The following NALCN variants were observed in gnomAD, a reference collection of about 807,000 sequenced individuals.
NALCN encodes sodium leak channel, non-selective.
In NALCN, 111 loss-of-function variants were observed where a neutral mutation model predicts 225.3. The observed-to-expected ratio is 0.49, with a 90% CI of 0.42 to 0.58. The LOEUF (loss-of-function observed/expected upper bound fraction) is 0.58, where lower values mean the gene tolerates loss of function less well. NALCN is among the 20% of genes least tolerant of loss of function. The pLI is 0.00. For synonymous variants in NALCN, 764 were observed against 769.0 expected (o/e 0.99, Z 0.11); for missense variants, 1,378 against 2,202.4 (o/e 0.63, Z 7.49).
chr13:101,081,643 T>C lies in NALCN; in HGVS notation c.3769A>G (p.Thr1257Ala). The part of the protein sequence containing the change: ...VFTFIFVLEV[T>A]MKIIAMSPAG... ...GGCGACATTGCTATGATCTTCATGGTAACCTGGAGAAAAAGCAAAGAAGAA... is the reference window on the plus strand; with the variant it reads ...GGCGACATTGCTATGATCTTCATGGCAACCTGGAGAAAAAGCAAAGAAGAA... The change falls in exon 34 of 44, where the codon ACC becomes GCC. Residue 1257 changes from threonine (T) to alanine (A), a missense_variant. Transcript: ENST00000251127. 1 of 1,613,886 alleles carries C rather than the reference T, an allele frequency of 6.2e-7. No individual in the cohort carries two copies. Among genetic ancestry groups the C allele is most frequent in the Non-Finnish European group, 8.5e-7 (1 of 1,179,930 alleles).
chr13:101,088,742 A>AGAAT lies in NALCN; in HGVS notation c.3489+917_3489+920dup, dbSNP rs1256426984. Among the ~76,000 whole-genome samples the AGAAT allele has an allele frequency of 2.0e-4, 31 of 152,318 alleles. 1 individual carries two copies. The South Asian group carries it at 2.7e-3, about 13-fold the overall frequency. On this transcript the variant is annotated intron_variant, in intron 30 of 43. Coordinates refer to ENST00000251127, the MANE Select transcript of NALCN (RefSeq NM_052867.4). ...AAGCCCCTCTCCAAGGAGTGCTAAT[A>AGAAT]GAATGTTCTTCCCCAAACTCACACT...
At chr13:101,399,902 C>G (rs1373067843) in intron 1 of NALCN, among the ~76,000 whole-genome samples, 1 of 152,152 alleles carries the variant, frequency 6.6e-6, no homozygotes, top group East Asian at 1.9e-4. Flanking sequence ...TCAGCAGTCA[C>G]TTGAAGGGGG....
intron 13 of NALCN, among the ~76,000 whole-genome samples, chr13:101,196,886 T>C (rs1216463691): frequency 1.3e-5 from 2 of 152,164 alleles, no homozygotes; most frequent in African/African-American, 4.8e-5. Flanking sequence ...GGACAACTCC[T>C]GGGGCTTTCG....
chr13:101,156,397 C>A (rs1043400194), intron 15 of NALCN, among the ~76,000 whole-genome samples: 2 of 152,092 alleles, frequency 1.3e-5, no homozygotes, highest in Non-Finnish European at 2.9e-5. Flanking sequence ...CTTCTAGGCT[C>A]CCTCAGCAGA....
Position 101,292,206 on chromosome 13 carries a change from T to A in NALCN, c.942+18A>T. On this transcript the variant is annotated intron_variant, in intron 8 of 43. Coordinates refer to ENST00000251127, the MANE Select transcript of NALCN (RefSeq NM_052867.4). The surrounding 1 kb of genome is among the most constrained non-coding windows in gnomAD (Gnocchi z 4.3). ...TATCACAGAACATAGACTTTCTTAG[T>A]ACAATTCTTCGCAGTACCTTCACAA... 2 of 1,613,696 alleles carry A rather than the reference T, an allele frequency of 1.2e-6. No individual in the cohort carries two copies. The highest frequency in any genetic ancestry group is 1.7e-6 in the Non-Finnish European group (2 of 1,179,810).
At chr13:101,118,871 G>A (rs1446560608) in intron 18 of NALCN, among the ~76,000 whole-genome samples, 2 of 152,162 alleles carry the variant, frequency 1.3e-5, no homozygotes, top group African/African-American at 2.4e-5. Flanking sequence ...GAGGAGCTGA[G>A]CTCAAAGGTC....
At chr13:101,220,234 G>T (rs1431160888) in intron 13 of NALCN, among the ~76,000 whole-genome samples, 2 of 152,116 alleles carry the variant, frequency 1.3e-5, no homozygotes, top group African/African-American at 4.8e-5. Flanking sequence ...ATTTGTTCTG[G>T]TCATGTCCTG....
intron 13 of NALCN, among the ~76,000 whole-genome samples, chr13:101,229,022 C>T (rs2041250007): frequency 6.6e-6 from 1 of 152,096 alleles, no homozygotes; most frequent in South Asian, 2.1e-4. Flanking sequence ...ACTAACATAA[C>T]AATATATAAA....
chr13:101,360,336 G>A (rs72654874), intron 6 of NALCN, among the ~76,000 whole-genome samples: 2,967 of 151,520 alleles, frequency 0.02, 44 homozygotes, highest in South Asian at 0.043. Context: ...CGGCTCCAAC[G>A]ATTCTTGTGC....
chr13:101,310,517 C>T (rs1020346446), intron 7 of NALCN, among the ~76,000 whole-genome samples: 1 of 152,124 alleles, frequency 6.6e-6, no homozygotes, highest in Non-Finnish European at 1.5e-5. Flanking sequence ...ACCTTCATGG[C>T]CACCTTATCT....
chr13:101,147,345 T>C (rs190892693), intron 15 of NALCN, among the ~76,000 whole-genome samples: 245 of 143,852 alleles, frequency 1.7e-3, no homozygotes, highest in Non-Finnish European at 3.1e-3. Flanking sequence ...TTTTTCTTCC[T>C]CTCTCTCTCT....
intron 3 of NALCN, among the ~76,000 whole-genome samples, chr13:101,381,226 G>A (rs2046839767): frequency 6.6e-6 from 1 of 152,064 alleles, no homozygotes; most frequent in Non-Finnish European, 1.5e-5. Flanking sequence ...ATCATATGAA[G>A]ATTTATACCC....
At chr13:101,264,122 G>C (rs2042521555) in intron 10 of NALCN, among the ~76,000 whole-genome samples, 1 of 152,096 alleles carries the variant, frequency 6.6e-6, no homozygotes, top group Admixed American at 6.5e-5. Flanking sequence ...ATGGATGCAT[G>C]ATCTATCCCT....
At position 101,083,104 on chromosome 13, in the gene NALCN, C is replaced by T; in HGVS notation, c.3678G>A (p.Leu1226=). The change falls in exon 32 of 44, where the codon TTG becomes TTA. Residue 1226 remains leucine, a synonymous_variant. Coordinates refer to ENST00000251127, the MANE Select transcript of NALCN (RefSeq NM_052867.4). ...TGAAACGAAGTACCTTGACAGAGAG[C>T]AACACCGACTGGGCCAGGACGAGTA... is the stretch of plus-strand genomic sequence containing the variant. ...IALLVLAQSV[L]LSVKWDVEDP... is the part of the protein sequence containing the mutation. 1 of 1,614,052 alleles carries T rather than the reference C, an allele frequency of 6.2e-7. No individual in the cohort carries two copies. Among genetic ancestry groups the T allele is most frequent in the South Asian group, 1.1e-5 (1 of 91,076 alleles).
rs933356874 is a variant in NALCN, at chr13:101,310,325, C to T, written c.800-17959G>A. 3.9e-5 allele frequency among the ~76,000 whole-genome samples: 6 copies of T among 152,256 alleles called. No individual in the cohort carries two copies. In the East Asian group the frequency reaches 9.7e-4, roughly 25 times the overall value. On this transcript the variant is annotated intron_variant, in intron 7 of 43. Transcript: ENST00000251127. Reference sequence around the variant, plus strand: ...TCCTTGTTACCTTTCCAATCGTATTCCCTTTCTCTTTCTCCATAGCTTCAT... The same window carrying T: ...TCCTTGTTACCTTTCCAATCGTATTTCCTTTCTCTTTCTCCATAGCTTCAT...
At chr13:101,224,601 C>A (rs2140118322) in intron 13 of NALCN, among the ~76,000 whole-genome samples, 1 of 152,228 alleles carries the variant, frequency 6.6e-6, no homozygotes, top group South Asian at 2.1e-4. Context: ...TTACACAGCC[C>A]TTCCTACACC....
intron 10 of NALCN, among the ~76,000 whole-genome samples, chr13:101,260,823 G>A (rs1330647008): frequency 2.6e-5 from 4 of 152,100 alleles, no homozygotes; most frequent in Admixed American, 2.6e-4. Context: ...TCTGTGTGTT[G>A]TCTCTTCACT....
chr13:101,194,132 A>T (rs1329251119), intron 13 of NALCN, among the ~76,000 whole-genome samples: 2 of 152,300 alleles, frequency 1.3e-5, no homozygotes, highest in Non-Finnish European at 2.9e-5. Context: ...ATTACATTTG[A>T]TCAACACAGT....
intron 17 of NALCN, among the ~76,000 whole-genome samples, chr13:101,130,550 T>C (rs2036468511): frequency 6.6e-6 from 1 of 152,166 alleles, no homozygotes; most frequent in African/African-American, 2.4e-5. Flanking sequence ...GTATCTTACA[T>C]TACTCATATT....
Sources: gnomAD v4.1 joint callset for allele counts (sites outside exome capture counted in the v4.1 genomes callset) on GRCh38, gnomAD v4.1.1 for gene constraint, Gnocchi (gnomAD v3.1) non-coding constraint, MANE v1.5 for transcripts, NCBI Gene and HGNC (gene_info 2026-07-23, HGNC 2026-07-21) for gene names.